ZDHHC7: variants seen among roughly 807,000 people sequenced by gnomAD.
The protein encoded by ZDHHC7 is zDHHC palmitoyltransferase 7.
In ZDHHC7, 12 loss-of-function variants were observed where a neutral mutation model predicts 34.1. That is an observed-to-expected ratio of 0.35 (90% CI 0.23 to 0.57). The LOEUF is 0.57. ZDHHC7 is among the 20% of genes least tolerant of loss of function. The pLI is 0.84. For missense variants in ZDHHC7, 388 were observed against 402.7 expected (o/e 0.96, Z 0.31); for synonymous variants, 185 against 155.4 (o/e 1.19, Z -1.42).
chr16:84,980,130 T>A (rs935746276), intron 4 of ZDHHC7, among the ~76,000 whole-genome samples: 1 of 151,492 alleles, frequency 6.6e-6, no homozygotes, highest in Admixed American at 6.6e-5. Context: ...CCGGCTAATT[T>A]TTTTTTTCTA....
At position 85,002,887 on chromosome 16, in the gene ZDHHC7, A is replaced by G. The variant is rs564932579; in HGVS notation, c.-103-6880T>C. ...GCTGCGGCGCTGGGAGGGCCTATGG[A>G]GACCGCAAAATGGAAATGGGGTGGA... is the stretch of plus-strand genomic sequence containing the variant. On this transcript the variant is annotated intron_variant, in intron 1 of 7. Coordinates refer to ENST00000313732, the MANE Select transcript of ZDHHC7 (RefSeq NM_017740.3). Among the ~76,000 whole-genome samples, 338 of 151,664 alleles carry G rather than the reference A, an allele frequency of 2.2e-3. 2 individuals carry two copies. Among genetic ancestry groups the G allele is most frequent in the Non-Finnish European group, 3.5e-3 (237 of 67,902 alleles).
At chr16:84,999,445 C>A (rs994044050) in intron 1 of ZDHHC7, among the ~76,000 whole-genome samples, 1 of 152,068 alleles carries the variant, frequency 6.6e-6, no homozygotes, top group African/African-American at 2.4e-5. Flanking sequence ...GTTCATAATA[C>A]CCCCAAACTG....
intron 4 of ZDHHC7, among the ~76,000 whole-genome samples, chr16:84,981,361 A>C (rs780008053): frequency 1.3e-5 from 2 of 152,170 alleles, no homozygotes; most frequent in Admixed American, 1.3e-4. Context: ...ACAACAAAAA[A>C]ATGAGAGCAC....
chr16:85,023,733 C>T, the ZDHHC7 span, among the ~76,000 whole-genome samples: 1 of 152,052 alleles, frequency 6.6e-6, no homozygotes, highest in Non-Finnish European at 1.5e-5. Flanking sequence ...ACCCTCTAAC[C>T]TCAGGCTTCC....
chr16:85,009,718 T>A (rs1478999064), intron 1 of ZDHHC7, among the ~76,000 whole-genome samples: 2 of 149,232 alleles, frequency 1.3e-5, no homozygotes, highest in African/African-American at 2.5e-5. Flanking sequence ...TCTTTTTTTT[T>A]TTTTTTTTGA....
At chr16:85,023,737 G>A in the ZDHHC7 span, among the ~76,000 whole-genome samples, 1 of 151,916 alleles carries the variant, frequency 6.6e-6, no homozygotes, top group African/African-American at 2.4e-5. Context: ...TCTAACCTCA[G>A]GCTTCCAAGT....
At chr16:85,025,171 G>T in the ZDHHC7 span, among the ~76,000 whole-genome samples, 1 of 152,064 alleles carries the variant, frequency 6.6e-6, no homozygotes, top group Non-Finnish European at 1.5e-5. Context: ...CCAGCTACTT[G>T]GGAGGCTAAG....
chr16:84,986,481 C>T (rs9938042), intron 3 of ZDHHC7, among the ~76,000 whole-genome samples: 10,608 of 152,238 alleles, frequency 0.07, 1,036 homozygotes, highest in African/African-American at 0.22. Flanking sequence ...CGAGAAGGCT[C>T]GTAGGCATCC....
In ZDHHC7 at chr16:84,975,507, AAGC is replaced by A. The variant is rs2072283510; in HGVS notation, c.*833_*835del. 1 of 152,654 alleles carries A rather than the reference AAGC, an allele frequency of 6.6e-6. No individual in the cohort carries two copies. Among genetic ancestry groups the A allele is most frequent in the South Asian group, 2.1e-4 (1 of 4,836 alleles). 9.5% of individuals were successfully genotyped at this position (152,654 alleles called of 1,614,324 possible). On this transcript the variant is annotated 3_prime_UTR_variant, in exon 8 of 8. Coordinates refer to ENST00000313732, the MANE Select transcript of ZDHHC7 (RefSeq NM_017740.3). ...CACTCAAGATTTCTTTAAAAAATGA[AAGC>A]AGGAGGGCAACGAAGGGCCGCACAG...
upstream of ZDHHC7, among the ~76,000 whole-genome samples, chr16:85,016,149 G>A (rs1025811323): frequency 1.3e-5 from 2 of 151,920 alleles, no homozygotes; most frequent in Non-Finnish European, 2.9e-5. Context: ...TGGTTGGGGG[G>A]CTTAGAATTT....
the ZDHHC7 span, among the ~76,000 whole-genome samples, chr16:85,021,097 C>A: frequency 6.6e-6 from 1 of 150,536 alleles, no homozygotes; most frequent in African/African-American, 2.4e-5. Context: ...AGAGCAAGAC[C>A]CTCTCTTAAA....
At chr16:85,016,304 G>T (rs1397307184), upstream of ZDHHC7, among the ~76,000 whole-genome samples, 1 of 151,808 alleles carries the variant, frequency 6.6e-6, no homozygotes, top group Non-Finnish European at 1.5e-5. Context: ...TTATAGGCAT[G>T]CGCCAGCACA....
chr16:85,018,042 T>C, the ZDHHC7 span, among the ~76,000 whole-genome samples: 1 of 151,944 alleles, frequency 6.6e-6, no homozygotes, highest in Non-Finnish European at 1.5e-5. Context: ...TATTAATGAG[T>C]GTATATTGAG....
upstream of ZDHHC7, among the ~76,000 whole-genome samples, chr16:85,015,596 A>G (rs1000843887): frequency 1.3e-5 from 2 of 152,160 alleles, no homozygotes; most frequent in African/African-American, 4.8e-5. Flanking sequence ...CACGCTTGCA[A>G]TCCCAGCATA....
chr16:85,027,287 T>C, the ZDHHC7 span, among the ~76,000 whole-genome samples: 1 of 152,156 alleles, frequency 6.6e-6, no homozygotes, highest in Non-Finnish European at 1.5e-5. Context: ...TTTTTTTAGC[T>C]CCTGCTCAAA....
the ZDHHC7 span, among the ~76,000 whole-genome samples, chr16:85,025,267 TAA>T: frequency 1.4e-5 from 2 of 141,434 alleles, no homozygotes; most frequent in Non-Finnish European, 1.6e-5. Flanking sequence ...TGAGATGATT[TAA>T]AAAAAAAAAA....
At chr16:85,017,592 G>A in the ZDHHC7 span, among the ~76,000 whole-genome samples, 10 of 152,132 alleles carry the variant, frequency 6.6e-5, no homozygotes, top group Non-Finnish European at 1.0e-4. Context: ...TGGCGTATTT[G>A]TGCAATGAAA....
At chr16:85,013,535 G>A (rs1056181773), upstream of ZDHHC7, among the ~76,000 whole-genome samples, 4 of 150,852 alleles carry the variant, frequency 2.7e-5, no homozygotes, top group Non-Finnish European at 5.9e-5. Flanking sequence ...GAGCCACCAC[G>A]CCCGGCCAAA....
At chr16:84,999,724 G>C (rs2072629062) in intron 1 of ZDHHC7, among the ~76,000 whole-genome samples, 1 of 152,156 alleles carries the variant, frequency 6.6e-6, no homozygotes, top group African/African-American at 2.4e-5. Flanking sequence ...ACTGTGGAGA[G>C]GGCCAAGGTA....
Sources: gnomAD v4.1 joint callset for allele counts (sites outside exome capture counted in the v4.1 genomes callset) on GRCh38, gnomAD v4.1.1 for gene constraint, MANE v1.5 for transcripts, NCBI Gene and HGNC (gene_info 2026-07-23, HGNC 2026-07-21) for gene names.